STAG1: variants seen among roughly 807,000 people sequenced by gnomAD.
The protein encoded by STAG1 is STAG1 cohesin complex component, also known as cohesin subunit SA-1.
Under a neutral mutation model 170.9 loss-of-function variants are expected in STAG1, and 26 were observed. That is an observed-to-expected ratio of 0.15 (90% CI 0.11 to 0.21). The LOEUF is 0.21. Among genes scored for constraint, STAG1 ranks in the 10% least tolerant of loss-of-function variants. STAG1 has a pLI of 1.00. For synonymous variants in STAG1, 514 were observed against 497.7 expected (o/e 1.03, Z -0.44); for missense variants, 964 against 1,509.5 (o/e 0.64, Z 5.99).
At chr3:136,447,394 A>G (rs2088812914) in intron 14 of STAG1, among the ~76,000 whole-genome samples, 1 of 151,744 alleles carries the variant, frequency 6.6e-6, no homozygotes, top group Non-Finnish European at 1.5e-5. Context: ...ACTTGATCCC[A>G]GGAGGCGGAG....
chr3:136,736,242 A>C lies in STAG1; in HGVS notation c.-84+15953T>G, dbSNP rs1203047100. Among the ~76,000 whole-genome samples the C allele has an allele frequency of 1.2e-4, 18 of 152,362 alleles. No individual in the cohort carries two copies. In the South Asian group the frequency reaches 3.7e-3, roughly 32 times the overall value. ...GTTACAGGCTGTGGGAAGAGAAGGC[A>C]GCACCAATGGCGGCACCTTCTAATC... On this transcript the variant is annotated intron_variant, in intron 1 of 33. Transcript: ENST00000383202.
intron 13 of STAG1, among the ~76,000 whole-genome samples, chr3:136,463,890 T>C (rs972257987): frequency 4.1e-5 from 6 of 147,130 alleles, no homozygotes; most frequent in African/African-American, 9.9e-5. Context: ...TATATACTTA[T>C]ATATACATAT....
At chr3:136,460,913 A>G (rs2089255942) in intron 13 of STAG1, among the ~76,000 whole-genome samples, 1 of 152,212 alleles carries the variant, frequency 6.6e-6, no homozygotes, top group South Asian at 2.1e-4. Flanking sequence ...TATCCCTAGT[A>G]AACATGCATG....
chr3:136,595,512 TA>T (rs1185891805), intron 4 of STAG1, among the ~76,000 whole-genome samples: 1 of 151,628 alleles, frequency 6.6e-6, no homozygotes, highest in Non-Finnish European at 1.5e-5. Flanking sequence ...GCTAACACGG[TA>T]AAACCCTGTC....
chr3:136,418,025 A>T (rs1314201047), intron 20 of STAG1, 53 bp from the exon 21 acceptor site: 2 of 1,393,472 alleles, frequency 1.4e-6, no homozygotes, highest in East Asian at 4.6e-5. Context: ...GGAAATTTAA[A>T]TTTGAGCTCA....
intron 1 of STAG1, among the ~76,000 whole-genome samples, chr3:136,683,030 T>A (rs1432351967): frequency 6.6e-6 from 1 of 152,158 alleles, no homozygotes; most frequent in Non-Finnish European, 1.5e-5. Flanking sequence ...ACAAATATTA[T>A]ATGGTTCTGT....
At chr3:136,600,016 T>C (rs1356751624) in intron 4 of STAG1, among the ~76,000 whole-genome samples, 1 of 152,202 alleles carries the variant, frequency 6.6e-6, no homozygotes, top group African/African-American at 2.4e-5. Context: ...TTGGGAATTT[T>C]CACAGACCCA....
intron 1 of STAG1, among the ~76,000 whole-genome samples, chr3:136,699,877 T>C (rs1943000520): frequency 6.6e-6 from 1 of 151,854 alleles, no homozygotes; most frequent in South Asian, 2.1e-4. Context: ...GAAAGAAAAA[T>C]ACTTTCAGAT....
chr3:136,584,830 C>A (rs776315600), intron 4 of STAG1, among the ~76,000 whole-genome samples: 5 of 152,154 alleles, frequency 3.3e-5, no homozygotes, highest in African/African-American at 4.8e-5. Flanking sequence ...CATATCCCAG[C>A]CCATTAATGC....
chr3:136,350,139 C>CAA (rs542153408), intron 28 of STAG1, among the ~76,000 whole-genome samples: 11 of 141,970 alleles, frequency 7.7e-5, no homozygotes, highest in African/African-American at 2.3e-4. Context: ...AGACTCCATT[C>CAA]AAAAAAAAAA....
chr3:136,355,542 C>T (rs1936619797), intron 28 of STAG1, among the ~76,000 whole-genome samples: 1 of 151,800 alleles, frequency 6.6e-6, no homozygotes, highest in South Asian at 2.1e-4. Flanking sequence ...CACTGAAGAC[C>T]TGAAAAGCAC....
intron 15 of STAG1, 35 bp from the exon 16 acceptor site, chr3:136,433,694 C>T (rs750188662): frequency 2.1e-6 from 3 of 1,398,952 alleles, no homozygotes; most frequent in South Asian, 1.2e-5. Context: ...CATGAGTAGA[C>T]AGTTTTACAA....
intron 1 of STAG1, among the ~76,000 whole-genome samples, chr3:136,636,310 A>G (rs1385532829): frequency 6.6e-6 from 1 of 152,112 alleles, no homozygotes; most frequent in Non-Finnish European, 1.5e-5. Context: ...CATACAACGC[A>G]GGTGGTGGTA....
chr3:136,442,174 G>C (rs903425292), intron 15 of STAG1, among the ~76,000 whole-genome samples: 1 of 152,068 alleles, frequency 6.6e-6, no homozygotes, highest in Non-Finnish European at 1.5e-5. Flanking sequence ...CTCCAGTGTG[G>C]GTGACAGAGC....
intron 1 of STAG1, among the ~76,000 whole-genome samples, chr3:136,643,090 C>T (rs1465676678): frequency 6.6e-6 from 1 of 152,218 alleles, no homozygotes; most frequent in East Asian, 1.9e-4. Flanking sequence ...TATTCTACTT[C>T]CAAATAAGGT....
intron 7 of STAG1, among the ~76,000 whole-genome samples, chr3:136,505,912 AG>A (rs1933734958): frequency 6.6e-6 from 1 of 152,138 alleles, no homozygotes; most frequent in African/African-American, 2.4e-5. Flanking sequence ...TGTTGGGAGG[AG>A]GGTACTCACT....
intron 23 of STAG1, among the ~76,000 whole-genome samples, chr3:136,376,541 T>C (rs1020605767): frequency 6.6e-6 from 1 of 152,150 alleles, no homozygotes; most frequent in Non-Finnish European, 1.5e-5. Flanking sequence ...CCTGATCCTG[T>C]TGTCTGAGCC....
intron 1 of STAG1, among the ~76,000 whole-genome samples, chr3:136,716,839 C>T (rs187959805): frequency 6.6e-6 from 1 of 152,200 alleles, no homozygotes; most frequent in Non-Finnish European, 1.5e-5. Context: ...CCAATTAAAG[C>T]TGCACTAACT....
chr3:136,525,059 T>C (rs1934931504), intron 6 of STAG1, among the ~76,000 whole-genome samples: 1 of 152,014 alleles, frequency 6.6e-6, no homozygotes, highest in African/African-American at 2.4e-5. Flanking sequence ...AAGTTCTCTT[T>C]TTTTGTTATG....
Sources: allele counts gnomAD v4.1 joint callset (sites outside exome capture counted in the v4.1 genomes callset), GRCh38; gene constraint gnomAD v4.1.1; transcripts MANE v1.5; gene names NCBI Gene and HGNC (gene_info 2026-07-23, HGNC 2026-07-21).